Variants in GPATCH2 observed in about 807,000 individuals in gnomAD.
GPATCH2 encodes G patch domain-containing protein 2.
Under a neutral mutation model 58.0 loss-of-function variants are expected in GPATCH2, and 51 were observed. The observed-to-expected ratio is 0.88, with a 90% CI of 0.70 to 1.11. The LOEUF (loss-of-function observed/expected upper bound fraction) is 1.11. GPATCH2 is among the 50% of genes most tolerant of loss of function. GPATCH2 has a pLI of 0.00. For synonymous variants in GPATCH2, 222 were observed against 218.5 expected, an observed-to-expected ratio of 1.02 and a Z score of -0.14; for missense variants, 625 against 652.2, an observed-to-expected ratio of 0.96 and a Z score of 0.45.
intron 9 of GPATCH2, among the ~76,000 whole-genome samples, chr1:217,436,863 T>C (rs1168785650): frequency 1.3e-5 from 2 of 152,196 alleles, no homozygotes; most frequent in South Asian, 4.1e-4. Context: ...ATCCCAAATG[T>C]TACCCTTTCA....
At chr1:217,531,090 A>T (rs927593119) in intron 5 of GPATCH2, among the ~76,000 whole-genome samples, 1 of 151,646 alleles carries the variant, frequency 6.6e-6, no homozygotes, top group Non-Finnish European at 1.5e-5. Flanking sequence ...AATTTTATAC[A>T]AAATAACGAT....
Position 217,429,825 on chromosome 1 carries a change from C to CAAAAA in GPATCH2, c.*1315_*1319dup, listed in dbSNP as rs71166007. On this transcript the variant is annotated 3_prime_UTR_variant, in exon 10 of 10. Transcript: ENST00000366935. Reference sequence around the variant, plus strand: ...CCTGGGCGACAGAGGCAGACTCTGTCAAAAAAAAAAAAAAAAAAAAAGAAA... The same window carrying CAAAAA: ...CCTGGGCGACAGAGGCAGACTCTGTCAAAAAAAAAAAAAAAAAAAAAAAAAAGAAA... 2 of 87,968 alleles carry CAAAAA rather than the reference C, an allele frequency of 2.3e-5. No individual in the cohort carries two copies. Among genetic ancestry groups the CAAAAA allele is most frequent in the Non-Finnish European group, 4.5e-5 (2 of 44,756 alleles). The allele number at this position is 87,968 out of a possible 1,614,324, so 5.4% of individuals were successfully genotyped here.
At chr1:217,563,336 A>G (rs1666022588) in intron 5 of GPATCH2, among the ~76,000 whole-genome samples, 1 of 152,180 alleles carries the variant, frequency 6.6e-6, no homozygotes, top group Admixed American at 6.5e-5. Context: ...CAAACTTCAA[A>G]TAAATAAAAA....
chr1:217,559,473 C>T (rs1665814142), intron 5 of GPATCH2, among the ~76,000 whole-genome samples: 1 of 152,182 alleles, frequency 6.6e-6, no homozygotes, highest in Non-Finnish European at 1.5e-5. Flanking sequence ...TGGCTACAGT[C>T]CTATTTCTCA....
chr1:217,571,509 C>T (rs1218307416), intron 5 of GPATCH2, among the ~76,000 whole-genome samples: 1 of 131,948 alleles, frequency 7.6e-6, no homozygotes, highest in Non-Finnish European at 1.6e-5. Flanking sequence ...ATTTGAAAGA[C>T]ATTAAAAAAA....
In GPATCH2 at chr1:217,438,003, G is replaced by A. The variant is rs576771120; in HGVS notation, c.1367-6638C>T. On this transcript the variant is annotated intron_variant, in intron 9 of 9. Coordinates refer to ENST00000366935, the MANE Select transcript of GPATCH2 (RefSeq NM_018040.5). ...AGGAGAGCTCCAGCTGGCATCTGGC[G>A]GGTGCCCCTCTGGGATGAAGCTTCC... 7.2e-5 allele frequency among the ~76,000 whole-genome samples: 11 copies of A among 152,274 alleles called. No individual in the cohort carries two copies. The South Asian group carries it at 1.2e-3, about 17-fold the overall frequency.
rs573533672 is a variant in GPATCH2, at chr1:217,513,017, C to T, written c.1166+1805G>A. ...GAAATAGCCTACCTTAGGCCAGGCG[C>T]GGTGGCTCACACCTGTAATCCCAGA... On this transcript the variant is annotated intron_variant, in intron 6 of 9. Transcript: ENST00000366935. Among the ~76,000 whole-genome samples the T allele has an allele frequency of 1.4e-4, 22 of 152,192 alleles. No individual in the cohort carries two copies. The South Asian group carries it at 1.7e-3, about 11-fold the overall frequency.
chr1:217,524,040 C>G (rs1663659322), intron 5 of GPATCH2, among the ~76,000 whole-genome samples: 1 of 149,694 alleles, frequency 6.7e-6, no homozygotes. Context: ...AGAGGTGCCC[C>G]TCACCTCCCG....
At chr1:217,498,446 G>A (rs765047059) in intron 6 of GPATCH2, 51 bp from the exon 7 acceptor site, 1 of 1,362,334 alleles carries the variant, frequency 7.3e-7, no homozygotes, top group Non-Finnish European at 1.1e-6. Flanking sequence ...AAAAGCACGT[G>A]CTCTCACATG....
chr1:217,451,262 T>A (rs1403111213), intron 8 of GPATCH2, among the ~76,000 whole-genome samples: 1 of 152,208 alleles, frequency 6.6e-6, no homozygotes, highest in South Asian at 2.1e-4. Context: ...GGAAAAACTA[T>A]GCTTTCAGGA....
chr1:217,567,960 C>CA (rs372312361), intron 5 of GPATCH2, among the ~76,000 whole-genome samples: 70 of 151,940 alleles, frequency 4.6e-4, no homozygotes, highest in Non-Finnish European at 5.4e-4. Context: ...ACTAAAAATA[C>CA]AAAAAAATTA....
chr1:217,452,872 G>C (rs1659734260), intron 8 of GPATCH2, among the ~76,000 whole-genome samples: 1 of 152,130 alleles, frequency 6.6e-6, no homozygotes, highest in Non-Finnish European at 1.5e-5. Context: ...ACAGCTAGCT[G>C]TATATTTCAG....
At chr1:217,608,701 C>T (rs778353803) in intron 5 of GPATCH2, 1 of 983,996 alleles carries the variant, frequency 1.0e-6, no homozygotes, top group Non-Finnish European at 1.2e-6. Context: ...TTATTCAGAT[C>T]TAAAAGACAG....
chr1:217,617,483 C>A (rs1668945858), intron 2 of GPATCH2, among the ~76,000 whole-genome samples: 1 of 151,954 alleles, frequency 6.6e-6, no homozygotes, highest in Non-Finnish European at 1.5e-5. Flanking sequence ...GTCCAGGTGC[C>A]ACCAGTGAAG....
intron 6 of GPATCH2, among the ~76,000 whole-genome samples, chr1:217,506,829 T>G (rs1332806183): frequency 6.6e-6 from 1 of 152,164 alleles, no homozygotes; most frequent in Non-Finnish European, 1.5e-5. Flanking sequence ...ACGTATTACT[T>G]TCTCTGCCTG....
At chr1:217,570,475 C>G (rs966398297) in intron 5 of GPATCH2, among the ~76,000 whole-genome samples, 1 of 152,166 alleles carries the variant, frequency 6.6e-6, no homozygotes, top group Admixed American at 6.5e-5. Flanking sequence ...AACTCAAATG[C>G]TGCTTTTACT....
At chr1:217,470,486 G>A (rs1055416129) in intron 8 of GPATCH2, among the ~76,000 whole-genome samples, 2 of 151,936 alleles carry the variant, frequency 1.3e-5, no homozygotes, top group African/African-American at 4.8e-5. Flanking sequence ...TTTTTTCTGT[G>A]TGGGCTTTTC....
intron 5 of GPATCH2, among the ~76,000 whole-genome samples, chr1:217,604,699 T>C (rs1234695023): frequency 6.6e-6 from 1 of 152,190 alleles, no homozygotes; most frequent in African/African-American, 2.4e-5. Context: ...TCTTAGACTA[T>C]CAAGCGCCCT....
At chr1:217,498,845 GC>G in intron 6 of GPATCH2, 1 of 210,758 alleles carries the variant, frequency 4.7e-6, no homozygotes, top group East Asian at 1.6e-4. Context: ...AATACACAAA[GC>G]CCTTGATATG....
Sources: allele counts gnomAD v4.1 joint callset (sites outside exome capture counted in the v4.1 genomes callset), GRCh38; gene constraint gnomAD v4.1.1; transcripts MANE v1.5; gene names NCBI Gene and HGNC (gene_info 2026-07-23, HGNC 2026-07-21).